Variants in ALK observed in about 807,000 individuals in gnomAD.
ALK encodes ALK receptor tyrosine kinase.
A neutral mutation model predicts 163.1 loss-of-function variants in ALK; 74 were observed. That is an observed-to-expected ratio of 0.45 (90% CI 0.38 to 0.55). The LOEUF (loss-of-function observed/expected upper bound fraction) is 0.55, where lower values mean the gene tolerates loss of function less well. Among genes scored for constraint, ALK ranks in the 20% least tolerant of loss-of-function variants. The pLI is 0.00. For missense variants in ALK, 2,063 were observed against 2,105.3 expected (o/e 0.98, Z 0.39); for synonymous variants, 960 against 843.2 (o/e 1.14, Z -2.40).
At position 29,565,117 on chromosome 2, in the gene ALK, C is replaced by T. The variant is rs73921103; in HGVS notation, c.953-33001G>A. Among the ~76,000 whole-genome samples the T allele has an allele frequency of 5.9e-3, 901 of 152,352 alleles. 5 individuals carry two copies. The highest frequency in any genetic ancestry group is 0.02 in the African/African-American group (847 of 41,580). On this transcript the variant is annotated intron_variant, in intron 3 of 28. Coordinates refer to ENST00000389048, the MANE Select transcript of ALK (RefSeq NM_004304.5). Reference sequence around the variant, plus strand: ...ACTAATGTACAACTCTAGGTGACAACGTGATATGGTGCCCTTTGGGGTCAT... The same window carrying T: ...ACTAATGTACAACTCTAGGTGACAATGTGATATGGTGCCCTTTGGGGTCAT...
chr2:29,792,720 T>C (rs1664217135), intron 1 of ALK, among the ~76,000 whole-genome samples: 1 of 150,174 alleles, frequency 6.7e-6, no homozygotes, highest in Non-Finnish European at 1.5e-5. Context: ...TCACACAACA[T>C]TTTTTGGTTT....
intron 9 of ALK, among the ~76,000 whole-genome samples, chr2:29,282,672 T>A (rs1022718413): frequency 1.2e-4 from 18 of 152,196 alleles, no homozygotes; most frequent in African/African-American, 3.6e-4. Context: ...CTTCCAGGGC[T>A]TTCAAGGGCC....
intron 1 of ALK, among the ~76,000 whole-genome samples, chr2:29,899,993 G>A (rs1346153980): frequency 6.6e-6 from 1 of 152,204 alleles, no homozygotes; most frequent in Non-Finnish European, 1.5e-5. Context: ...TGCTTCGTGG[G>A]CTTCATCATC....
chr2:29,773,243 C>CACACAA lies in ALK; in HGVS notation c.668-55547_668-55546insTTGTGT, dbSNP rs1681076391. On this transcript the variant is annotated intron_variant, in intron 1 of 28. Coordinates refer to ENST00000389048, the MANE Select transcript of ALK (RefSeq NM_004304.5). ...AATACACAGTAAATGTACACACACA[C>CACACAA]ACACACACACATTTTTTTCTTTTTA... Among the ~76,000 whole-genome samples, 3 of 152,110 alleles carry CACACAA rather than the reference C, an allele frequency of 2.0e-5. No individual in the cohort carries two copies. In the South Asian group the frequency reaches 6.2e-4, roughly 31 times the overall value.
At chr2:29,823,069 G>A (rs895445765) in intron 1 of ALK, among the ~76,000 whole-genome samples, 4 of 152,224 alleles carry the variant, frequency 2.6e-5, no homozygotes, top group Admixed American at 1.3e-4. Context: ...ATGGGGGCAA[G>A]TCTTTCCCAT....
intron 3 of ALK, among the ~76,000 whole-genome samples, chr2:29,559,437 G>C (rs1185509059): frequency 6.6e-6 from 1 of 152,168 alleles, no homozygotes; most frequent in Non-Finnish European, 1.5e-5. Flanking sequence ...ACAAATAATA[G>C]AGAACTCCAG....
chr2:29,641,747 C>G (rs116329324), intron 3 of ALK, among the ~76,000 whole-genome samples: 2,687 of 152,168 alleles, frequency 0.018, 35 homozygotes, highest in Middle Eastern at 0.027. Context: ...TATAGATGAT[C>G]TAGTTATTTC....
At chr2:29,912,797 T>C (rs1667741472) in intron 1 of ALK, among the ~76,000 whole-genome samples, 1 of 152,190 alleles carries the variant, frequency 6.6e-6, no homozygotes, top group Non-Finnish European at 1.5e-5. Context: ...AGAATTCATG[T>C]CTTCGAGCTC....
chr2:29,554,449 T>G (rs1673793412), intron 3 of ALK, among the ~76,000 whole-genome samples: 1 of 152,160 alleles, frequency 6.6e-6, no homozygotes, highest in Non-Finnish European at 1.5e-5. Flanking sequence ...ACATTGATTG[T>G]TCTTGGATGG....
At chr2:29,707,298 G>A (rs1023015662) in intron 2 of ALK, among the ~76,000 whole-genome samples, 2 of 151,994 alleles carry the variant, frequency 1.3e-5, no homozygotes, top group South Asian at 4.2e-4. Context: ...ATGTGAACAT[G>A]GGGTTCCATT....
At chr2:29,255,802 A>G (rs780228319) in intron 11 of ALK, among the ~76,000 whole-genome samples, 14 of 152,132 alleles carry the variant, frequency 9.2e-5, no homozygotes, top group Non-Finnish European at 1.8e-4. Flanking sequence ...GTGACTTTGC[A>G]TAAGGGGACT....
intron 4 of ALK, among the ~76,000 whole-genome samples, chr2:29,399,761 A>G (rs1190712954): frequency 4.6e-5 from 7 of 152,162 alleles, no homozygotes; most frequent in Non-Finnish European, 5.9e-5. Flanking sequence ...ATATGTGTGG[A>G]GGAGCCTGGG....
At chr2:29,803,249 C>T (rs1030244411) in intron 1 of ALK, among the ~76,000 whole-genome samples, 4 of 152,174 alleles carry the variant, frequency 2.6e-5, no homozygotes, top group Non-Finnish European at 5.9e-5. Context: ...TCAACATGAG[C>T]TTCTGAACAA....
At chr2:29,337,273 T>C (rs1332065857) in intron 5 of ALK, among the ~76,000 whole-genome samples, 1 of 152,152 alleles carries the variant, frequency 6.6e-6, no homozygotes, top group African/African-American at 2.4e-5. Context: ...TGACTCAAAA[T>C]GTAAATCAGC....
intron 1 of ALK, among the ~76,000 whole-genome samples, chr2:29,812,241 G>C (rs1267407950): frequency 6.6e-6 from 1 of 152,176 alleles, no homozygotes; most frequent in African/African-American, 2.4e-5. Flanking sequence ...CCGGGGTGGG[G>C]GATGGGAGCA....
intron 2 of ALK, among the ~76,000 whole-genome samples, chr2:29,713,731 G>T (rs1216346667): frequency 6.6e-6 from 1 of 151,890 alleles, no homozygotes; most frequent in Non-Finnish European, 1.5e-5. Context: ...TTTGACCCTC[G>T]ATTTGTATTT....
At chr2:29,492,109 G>T (rs1378257293) in intron 4 of ALK, among the ~76,000 whole-genome samples, 1 of 152,008 alleles carries the variant, frequency 6.6e-6, no homozygotes, top group Non-Finnish European at 1.5e-5. Context: ...CCTGGGTCTG[G>T]CTCAAAGAAT....
At chr2:29,484,227 A>G (rs1048527540) in intron 4 of ALK, among the ~76,000 whole-genome samples, 1 of 152,160 alleles carries the variant, frequency 6.6e-6, no homozygotes, top group African/African-American at 2.4e-5. Context: ...AGGTAATTAG[A>G]TGGATTGATT....
intron 11 of ALK, among the ~76,000 whole-genome samples, chr2:29,269,577 C>A (rs1665324017): frequency 6.6e-6 from 1 of 152,204 alleles, no homozygotes; most frequent in African/African-American, 2.4e-5. Context: ...GCTGCGATGA[C>A]TGGGGTCCCA....
Sources: gnomAD v4.1 joint callset for allele counts (sites outside exome capture counted in the v4.1 genomes callset) on GRCh38, gnomAD v4.1.1 for gene constraint, MANE v1.5 for transcripts, NCBI Gene and HGNC (gene_info 2026-07-23, HGNC 2026-07-21) for gene names.